NALF1: variants seen among roughly 807,000 people sequenced by gnomAD.
NALF1 encodes the protein NALCN channel auxiliary factor 1.
In NALF1, 3 loss-of-function variants were observed where a neutral mutation model predicts 48.4. That is an observed-to-expected ratio of 0.06 (90% CI 0.03 to 0.16). The LOEUF (loss-of-function observed/expected upper bound fraction) is 0.16. NALF1 is among the 10% of genes least tolerant of loss of function. The probability of loss-of-function intolerance (pLI) is 1.00; values close to 1 mark genes in which losing one functional copy is unlikely to be tolerated. For missense variants in NALF1, 526 were observed against 571.5 expected, an observed-to-expected ratio of 0.92 and a Z score of 0.81; for synonymous variants, 262 against 245.7, an observed-to-expected ratio of 1.07 and a Z score of -0.62.
intron 1 of NALF1, among the ~76,000 whole-genome samples, chr13:107,601,658 A>G (rs1220817281): frequency 6.6e-6 from 1 of 152,210 alleles, no homozygotes; most frequent in Non-Finnish European, 1.5e-5. Context: ...GAACTAAGGC[A>G]GTGTCTCATT....
At chr13:107,494,603 G>A (rs1026679525) in intron 1 of NALF1, among the ~76,000 whole-genome samples, 5 of 152,176 alleles carry the variant, frequency 3.3e-5, no homozygotes, top group African/African-American at 1.2e-4. Flanking sequence ...TGAGATTCAA[G>A]TGCATTGGAA....
chr13:107,733,823 G>A lies in NALF1; in HGVS notation c.915+131859C>T, dbSNP rs114126124. Among the ~76,000 whole-genome samples, 274 of 152,222 alleles carry A rather than the reference G, an allele frequency of 1.8e-3. 1 individual carries two copies. The highest frequency in any genetic ancestry group is 6.4e-3 in the African/African-American group (264 of 41,546). On this transcript the variant is annotated intron_variant, in intron 1 of 2. Coordinates refer to ENST00000375915, the MANE Select transcript of NALF1 (RefSeq NM_001080396.3). Reference sequence around the variant, plus strand: ...CAACTTATATCTATTTCCTGGAAGAGGAAAGCATAAGAACAGAAGAGATAC... The same window carrying A: ...CAACTTATATCTATTTCCTGGAAGAAGAAAGCATAAGAACAGAAGAGATAC...
intron 1 of NALF1, among the ~76,000 whole-genome samples, chr13:107,344,069 C>A (rs1190762536): frequency 1.3e-5 from 2 of 151,760 alleles, no homozygotes. Flanking sequence ...CAACTATCTG[C>A]CAGCAAATGG....
chr13:107,821,531 G>A lies in NALF1; in HGVS notation c.915+44151C>T, dbSNP rs965562717. 6.8e-4 allele frequency among the ~76,000 whole-genome samples: 104 copies of A among 152,240 alleles called. 2 individuals carry two copies. Among genetic ancestry groups the A allele is most frequent in the East Asian group, 1.9e-4 (1 of 5,184 alleles). ...AAAACCCATAACCTTAGTCTATTAC[G>A]GAGAAAAATATAGACAAAGCTAGAG... On this transcript the variant is annotated intron_variant, in intron 1 of 2. Transcript: ENST00000375915.
chr13:107,641,676 C>A (rs1212380874), intron 1 of NALF1, among the ~76,000 whole-genome samples: 1 of 152,062 alleles, frequency 6.6e-6, no homozygotes, highest in Non-Finnish European at 1.5e-5. Flanking sequence ...TATTGTAAGG[C>A]CTTGAATTGA....
chr13:107,441,599 GGGA>G (rs1566343914), intron 1 of NALF1, among the ~76,000 whole-genome samples: 1 of 152,346 alleles, frequency 6.6e-6, no homozygotes. Flanking sequence ...TCCAGGGAAA[GGGA>G]GGAGAAGAAA....
intron 1 of NALF1, among the ~76,000 whole-genome samples, chr13:107,345,940 T>C (rs1160786624): frequency 6.6e-6 from 1 of 151,898 alleles, no homozygotes. Flanking sequence ...AAGGAACATA[T>C]AAATTAAGAA....
chr13:107,506,926 A>G (rs951716580), intron 1 of NALF1, among the ~76,000 whole-genome samples: 1 of 151,950 alleles, frequency 6.6e-6, no homozygotes, highest in Non-Finnish European at 1.5e-5. Context: ...AGTAATAGTA[A>G]CTTTTTAAAG....
At chr13:107,798,595 T>C (rs1008528223) in intron 1 of NALF1, among the ~76,000 whole-genome samples, 4 of 152,224 alleles carry the variant, frequency 2.6e-5, no homozygotes, top group Admixed American at 2.6e-4. Context: ...TTTTGAAATA[T>C]ATTTAAGAAG....
At chr13:107,852,771 T>C (rs1047554453) in intron 1 of NALF1, among the ~76,000 whole-genome samples, 3 of 152,170 alleles carry the variant, frequency 2.0e-5, no homozygotes, top group Non-Finnish European at 2.9e-5. Flanking sequence ...AAGTACATTA[T>C]CTGTTGTCAT....
At chr13:107,429,195 G>A (rs559549182) in intron 1 of NALF1, among the ~76,000 whole-genome samples, 21 of 152,056 alleles carry the variant, frequency 1.4e-4, no homozygotes, top group African/African-American at 4.8e-4. Flanking sequence ...GGTTGTGCAA[G>A]TCTGTAATCC....
chr13:107,296,924 A>C (rs1185438088), intron 1 of NALF1, among the ~76,000 whole-genome samples: 3 of 152,176 alleles, frequency 2.0e-5, no homozygotes, highest in Non-Finnish European at 2.9e-5. Flanking sequence ...CTGTCATCTT[A>C]AGTTACACTC....
chr13:107,671,447 T>C (rs1880988942), intron 1 of NALF1, among the ~76,000 whole-genome samples: 1 of 152,124 alleles, frequency 6.6e-6, no homozygotes, highest in East Asian at 1.9e-4. Context: ...CTCATAAGCA[T>C]AGTCTCTTAC....
intron 1 of NALF1, among the ~76,000 whole-genome samples, chr13:107,518,616 C>G (rs886895869): frequency 6.6e-6 from 1 of 151,900 alleles, no homozygotes; most frequent in African/African-American, 2.4e-5. Flanking sequence ...CCTTGAGCTG[C>G]CATTTTAGGG....
intron 1 of NALF1, among the ~76,000 whole-genome samples, chr13:107,810,467 A>G (rs1179012070): frequency 1.3e-5 from 2 of 152,018 alleles, no homozygotes; most frequent in East Asian, 3.9e-4. Context: ...CATCACCTCT[A>G]TACAGATAAG....
At chr13:107,274,426 T>G (rs1270950711) in intron 1 of NALF1, among the ~76,000 whole-genome samples, 1 of 152,082 alleles carries the variant, frequency 6.6e-6, no homozygotes. Context: ...ATTTTTTAAA[T>G]TACTTGGGCA....
intron 1 of NALF1, among the ~76,000 whole-genome samples, chr13:107,397,249 C>A (rs1445879336): frequency 6.6e-6 from 1 of 152,166 alleles, no homozygotes. Context: ...ATCCCTTCTT[C>A]CTGCCCATTA....
chr13:107,699,324 T>C (rs1881766565), intron 1 of NALF1, among the ~76,000 whole-genome samples: 2 of 152,042 alleles, frequency 1.3e-5, no homozygotes. Flanking sequence ...CTGGACTCTG[T>C]TTTGATAGAG....
chr13:107,402,543 A>G (rs1282405250), intron 1 of NALF1, among the ~76,000 whole-genome samples: 1 of 152,188 alleles, frequency 6.6e-6, no homozygotes, highest in African/African-American at 2.4e-5. Flanking sequence ...TAGGTAACCA[A>G]TACAGTGTCT....
Sources: allele counts gnomAD v4.1 joint callset (sites outside exome capture counted in the v4.1 genomes callset), GRCh38; gene constraint gnomAD v4.1.1; transcripts MANE v1.5; gene names NCBI Gene and HGNC (gene_info 2026-07-23, HGNC 2026-07-21).